Variants in SKI observed in about 807,000 individuals in gnomAD.
The protein encoded by SKI is ski oncogene.
SKI carries 23 observed loss-of-function variants against 59.3 expected under a neutral mutation model. The observed-to-expected ratio is 0.39, with a 90% CI of 0.28 to 0.55. SKI has a LOEUF of 0.55. Ranked by LOEUF, SKI falls within the 20% of genes least tolerant of loss-of-function variation. SKI has a pLI of 0.67. For missense variants in SKI, 1,017 were observed against 1,038.9 expected, an observed-to-expected ratio of 0.98 and a Z score of 0.29; for synonymous variants, 673 against 488.6, an observed-to-expected ratio of 1.38 and a Z score of -4.98.
In SKI at chr1:2,228,807, A is replaced by C. The variant is rs1232615367; in HGVS notation, c.41A>C (p.His14Pro). The change falls in exon 1 of 7, where the codon CAC (histidine) becomes CCC (proline). Residue 14 changes from histidine to proline, a missense_variant. Transcript: ENST00000378536. ...AAGGRGCFQP[H>P]PGLQKTLEQF... ...GGCGGCCGCGGCTGTTTCCAGCCGC[A>C]CCCGGGGCTGCAGAAGACGCTGGAG... 122 of 1,321,668 alleles carry C rather than the reference A, an allele frequency of 9.2e-5. No individual in the cohort carries two copies. Among genetic ancestry groups the C allele is most frequent in the East Asian group, 1.6e-4 (4 of 24,408 alleles). 81.9% of individuals were successfully genotyped at this position (1,321,668 alleles called of 1,614,324 possible). A position where few individuals can be genotyped will look rare whatever the true frequency, so the allele number is the denominator to read the frequency against.
chr1:2,250,455 TTGG>T (rs1639120358), intron 1 of SKI, among the ~76,000 whole-genome samples: 1 of 152,188 alleles, frequency 6.6e-6, no homozygotes, highest in Non-Finnish European at 1.5e-5. Context: ...TGTCCTTGGT[TTGG>T]GTCTTTTTAT....
intron 1 of SKI, among the ~76,000 whole-genome samples, chr1:2,271,483 C>T (rs1639617942): frequency 1.3e-5 from 2 of 152,170 alleles, no homozygotes; most frequent in African/African-American, 4.8e-5. Context: ...CAGACGGCCT[C>T]CAGCGTGGCG....
intron 1 of SKI, among the ~76,000 whole-genome samples, chr1:2,260,542 T>TC (rs1186039317): frequency 3.2e-5 from 4 of 123,184 alleles, no homozygotes; most frequent in Non-Finnish European, 6.9e-5. Context: ...TTTCTTTTTT[T>TC]TTTTTTTTTT....
chr1:2,243,665 A>T (rs1322306253), intron 1 of SKI, among the ~76,000 whole-genome samples: 2 of 151,724 alleles, frequency 1.3e-5, no homozygotes, highest in Non-Finnish European at 2.9e-5. Context: ...GCGTCCCAAC[A>T]CTCCCTGTCA....
rs552946737 is a variant in SKI, at chr1:2,303,900, G to T, written c.1272G>T (p.Pro424=). The T allele has an allele frequency of 6.2e-7, 1 of 1,612,216 alleles. No individual in the cohort carries two copies. The highest frequency in any genetic ancestry group is 8.5e-7 in the Non-Finnish European group (1 of 1,179,822). ...AVAPNVALAP[P]AQQKVVSSPP... is the part of the protein sequence containing the mutation. ...CGCCCAACGTGGCCCTCGCACCGCC[G>T]GCCCAGCAGAAGGTTGTGAGCAGCC... Residue 424 remains proline (P), a synonymous_variant, in exon 4 of 7, where the codon CCG becomes CCT. Transcript: ENST00000378536. The surrounding 1 kb of genome is among the most constrained non-coding windows in gnomAD (Gnocchi z 5.6).
intron 1 of SKI, among the ~76,000 whole-genome samples, chr1:2,233,236 G>C (rs558019021): frequency 6.8e-4 from 99 of 145,306 alleles, no homozygotes; most frequent in Middle Eastern, 3.5e-3. Flanking sequence ...AGGGCTGGTG[G>C]GGGGGGTCCT....
intron 1 of SKI, among the ~76,000 whole-genome samples, chr1:2,291,417 TG>T (rs1488889410): frequency 9.2e-5 from 14 of 151,552 alleles, no homozygotes; most frequent in Admixed American, 8.5e-4. Flanking sequence ...GTGAGAAGAG[TG>T]GGGCCAGACT....
chr1:2,241,830 C>T (rs1638881733), intron 1 of SKI, among the ~76,000 whole-genome samples: 1 of 152,230 alleles, frequency 6.6e-6, no homozygotes, highest in Non-Finnish European at 1.5e-5. Context: ...AAGCTGAGGG[C>T]AATTTCCGGA....
At chr1:2,305,762 G>T (rs1256293167) in intron 5 of SKI, among the ~76,000 whole-genome samples, 1 of 152,202 alleles carries the variant, frequency 6.6e-6, no homozygotes, top group Non-Finnish European at 1.5e-5. Context: ...AGGCCCCGCC[G>T]CAGCCTCAAG....
intron 1 of SKI, among the ~76,000 whole-genome samples, chr1:2,260,994 A>G (rs10797417): frequency 0.12 from 17,698 of 152,176 alleles, 1,730 homozygotes; most frequent in East Asian, 0.44. Flanking sequence ...TTTGTGTGCA[A>G]TGCAAGGTGT....
chr1:2,246,924 C>T (rs541117468), intron 1 of SKI, among the ~76,000 whole-genome samples: 3 of 152,316 alleles, frequency 2.0e-5, no homozygotes, highest in Non-Finnish European at 4.4e-5. Flanking sequence ...GAGGCCTGTG[C>T]AAGAGCCATG....
rs144559339 is a variant in SKI at position 2,231,132 on chromosome 1, G to T, written c.969+1397G>T. On this transcript the variant is annotated intron_variant, in intron 1 of 6. Coordinates refer to ENST00000378536, the MANE Select transcript of SKI (RefSeq NM_003036.4). ...TCGTGTCACACGGGGAGTTGGTTGGGGTGGGCCCGATGGCGCTCCCTGTGG... is the reference window on the plus strand; with the variant it reads ...TCGTGTCACACGGGGAGTTGGTTGGTGTGGGCCCGATGGCGCTCCCTGTGG... Among the ~76,000 whole-genome samples the T allele has an allele frequency of 1.9e-3, 294 of 152,326 alleles. 1 individual carries two copies. The highest frequency in any genetic ancestry group is 6.9e-3 in the African/African-American group (285 of 41,572).
At position 2,309,467 on chromosome 1, in the gene SKI, C is replaced by G. The variant is rs1425388353; in HGVS notation, c.*2702C>G. 1 of 152,080 alleles carries G rather than the reference C, an allele frequency of 6.6e-6. No individual in the cohort carries two copies. 9.4% of individuals were successfully genotyped at this position (152,080 alleles called of 1,614,324 possible). A position where few individuals can be genotyped will look rare whatever the true frequency, so the allele number is the denominator to read the frequency against. On this transcript the variant is annotated 3_prime_UTR_variant, in exon 7 of 7. Coordinates refer to ENST00000378536, the MANE Select transcript of SKI (RefSeq NM_003036.4). Reference sequence around the variant, plus strand: ...ACAGTTCACCTGTAAATACTTTTTCCTTTTTCACCGTTGTATTATACATGT... The same window carrying G: ...ACAGTTCACCTGTAAATACTTTTTCGTTTTTCACCGTTGTATTATACATGT...
At chr1:2,257,513 C>G (rs1639299029) in intron 1 of SKI, among the ~76,000 whole-genome samples, 1 of 152,276 alleles carries the variant, frequency 6.6e-6, no homozygotes, top group African/African-American at 2.4e-5. Flanking sequence ...CAGCCGCCTC[C>G]TCCCAGCTGC....
At chr1:2,288,198 GCTGGT>G (rs1475621879) in intron 1 of SKI, among the ~76,000 whole-genome samples, 1 of 152,102 alleles carries the variant, frequency 6.6e-6, no homozygotes, top group African/African-American at 2.4e-5. Context: ...CATGGGCCAG[GCTGGT>G]CTCGAACTTC....
chr1:2,283,126 C>T (rs1486947776), intron 1 of SKI, among the ~76,000 whole-genome samples: 1 of 152,222 alleles, frequency 6.6e-6, no homozygotes, highest in South Asian at 2.1e-4. Context: ...CCCGGCCCAA[C>T]CGCCTTTGTC....
At chr1:2,235,201 C>A (rs941642163) in intron 1 of SKI, among the ~76,000 whole-genome samples, 2 of 152,040 alleles carry the variant, frequency 1.3e-5, no homozygotes, top group East Asian at 1.9e-4. Context: ...GCCACCACAC[C>A]CAAGTAATTT....
intron 1 of SKI, among the ~76,000 whole-genome samples, chr1:2,272,403 C>T (rs1475637757): frequency 1.3e-5 from 2 of 152,230 alleles, no homozygotes; most frequent in African/African-American, 4.8e-5. Flanking sequence ...AGGGGCAGAG[C>T]CCTCCACAGG....
chr1:2,302,513 G>C (rs1168848708), intron 1 of SKI, among the ~76,000 whole-genome samples: 2 of 152,164 alleles, frequency 1.3e-5, no homozygotes, highest in African/African-American at 4.8e-5. Context: ...GTCGTGAGTG[G>C]CTCTCGCCGT....
Sources: gnomAD v4.1 joint callset for allele counts (sites outside exome capture counted in the v4.1 genomes callset) on GRCh38, gnomAD v4.1.1 for gene constraint, Gnocchi (gnomAD v3.1) non-coding constraint, MANE v1.5 for transcripts, NCBI Gene and HGNC (gene_info 2026-07-23, HGNC 2026-07-21) for gene names.